Variants in PTPRK observed in about 807,000 individuals in gnomAD.
PTPRK encodes the protein receptor-type tyrosine-protein phosphatase kappa.
PTPRK carries 75 observed loss-of-function variants against 178.0 expected under a neutral mutation model. The observed-to-expected ratio is 0.42, with a 90% CI of 0.35 to 0.51. The LOEUF (loss-of-function observed/expected upper bound fraction) is 0.51, where lower values mean the gene tolerates loss of function less well. Among genes scored for constraint, PTPRK ranks in the 20% least tolerant of loss-of-function variants. The pLI is 0.02. For missense variants in PTPRK, 1,441 were observed against 1,797.8 expected (o/e 0.80, Z 3.59); for synonymous variants, 637 against 620.6 (o/e 1.03, Z -0.39).
intron 15 of PTPRK, among the ~76,000 whole-genome samples, chr6:128,004,422 G>A (rs779315272): frequency 5.9e-5 from 9 of 151,720 alleles, no homozygotes; most frequent in Admixed American, 2.0e-4. Flanking sequence ...GCTTTTAAAT[G>A]GTACTTCAGC....
chr6:128,407,465 C>A (rs545343566), intron 1 of PTPRK, among the ~76,000 whole-genome samples: 3 of 151,404 alleles, frequency 2.0e-5, no homozygotes, highest in African/African-American at 7.3e-5. Flanking sequence ...AGCGAGATCC[C>A]CATGTCTACA....
intron 3 of PTPRK, among the ~76,000 whole-genome samples, chr6:128,251,868 T>C (rs927258823): frequency 6.6e-6 from 1 of 152,198 alleles, no homozygotes; most frequent in Admixed American, 6.5e-5. Context: ...AGGTTTAGCA[T>C]TACCAATTGC....
At chr6:128,112,672 C>G (rs1400962329) in intron 7 of PTPRK, among the ~76,000 whole-genome samples, 1 of 152,058 alleles carries the variant, frequency 6.6e-6, no homozygotes, top group Non-Finnish European at 1.5e-5. Context: ...ACACAACAGA[C>G]AAATGCTTGT....
chr6:128,304,915 T>C (rs1826152579), intron 3 of PTPRK, among the ~76,000 whole-genome samples: 1 of 152,206 alleles, frequency 6.6e-6, no homozygotes, highest in East Asian at 1.9e-4. Flanking sequence ...CATGGCAGTT[T>C]AAGAAATGGA....
At chr6:128,171,483 T>G (rs1308583631) in intron 7 of PTPRK, among the ~76,000 whole-genome samples, 1 of 152,018 alleles carries the variant, frequency 6.6e-6, no homozygotes, top group Non-Finnish European at 1.5e-5. Context: ...AAACCATTTC[T>G]CACTCCAGAC....
chr6:128,188,889 T>C (rs1018510932), intron 6 of PTPRK, among the ~76,000 whole-genome samples: 1 of 152,190 alleles, frequency 6.6e-6, no homozygotes, highest in Non-Finnish European at 1.5e-5. Flanking sequence ...CATATGGATA[T>C]GGATGCTTGT....
intron 3 of PTPRK, among the ~76,000 whole-genome samples, chr6:128,256,254 C>A (rs1050257383): frequency 2.0e-5 from 3 of 152,114 alleles, no homozygotes; most frequent in African/African-American, 7.2e-5. Context: ...GGGAAAACAG[C>A]AAGACTTCAG....
intron 1 of PTPRK, among the ~76,000 whole-genome samples, chr6:128,514,123 A>G (rs1314358538): frequency 1.3e-5 from 2 of 152,184 alleles, no homozygotes; most frequent in Non-Finnish European, 2.9e-5. Flanking sequence ...GGTTTATATT[A>G]ATAGATACCA....
chr6:128,520,176 C>T (rs191231462), intron 1 of PTPRK, 83 bp downstream of exon 1: 6 of 1,232,526 alleles, frequency 4.9e-6, no homozygotes, highest in Non-Finnish European at 6.8e-6. Flanking sequence ...CGATCCTTGT[C>T]CCCAGCCCTA....
At chr6:128,378,063 T>C (rs1252404133) in intron 2 of PTPRK, among the ~76,000 whole-genome samples, 2 of 152,138 alleles carry the variant, frequency 1.3e-5, no homozygotes, top group Non-Finnish European at 2.9e-5. Context: ...TTCACAAAAA[T>C]AGATTGAATT....
At chr6:128,126,421 T>C (rs1237917486) in intron 7 of PTPRK, among the ~76,000 whole-genome samples, 1 of 152,190 alleles carries the variant, frequency 6.6e-6, no homozygotes, top group East Asian at 1.9e-4. Flanking sequence ...CTTCCAGTTT[T>C]TGGTGATTTT....
At chr6:128,313,509 TA>T (rs2128317304) in intron 3 of PTPRK, among the ~76,000 whole-genome samples, 1 of 152,182 alleles carries the variant, frequency 6.6e-6, no homozygotes, top group Admixed American at 6.5e-5. Flanking sequence ...GAAGTGGACA[TA>T]AAGTTGGGTC....
chr6:128,160,706 T>A (rs1345374152), intron 7 of PTPRK, among the ~76,000 whole-genome samples: 2 of 151,554 alleles, frequency 1.3e-5, no homozygotes, highest in Admixed American at 6.6e-5. Context: ...TGGAGGTGAA[T>A]CCTTAGCACA....
At chr6:128,197,565 T>C (rs947137611) in intron 6 of PTPRK, among the ~76,000 whole-genome samples, 27 of 152,102 alleles carry the variant, frequency 1.8e-4, no homozygotes, top group African/African-American at 6.5e-4. Context: ...GAGATATAAA[T>C]GTACTCATTG....
chr6:128,230,530 G>A (rs774383853), intron 5 of PTPRK, among the ~76,000 whole-genome samples: 40 of 152,224 alleles, frequency 2.6e-4, no homozygotes, highest in Admixed American at 2.0e-3. Context: ...ATGTTTACCC[G>A]ATATTGAGTC....
chr6:128,107,872 C>T (rs943715672), intron 7 of PTPRK, among the ~76,000 whole-genome samples: 4 of 152,108 alleles, frequency 2.6e-5, no homozygotes, highest in African/African-American at 9.7e-5. Flanking sequence ...ACAGCAGTCC[C>T]CTACATGGGC....
At chr6:128,387,762 A>G (rs1202278132) in intron 2 of PTPRK, among the ~76,000 whole-genome samples, 1 of 152,162 alleles carries the variant, frequency 6.6e-6, no homozygotes, top group Admixed American at 6.5e-5. Flanking sequence ...GGTTAGAAAG[A>G]TAAGGTAAGC....
At chr6:128,392,560 A>G (rs1286978190) in intron 2 of PTPRK, among the ~76,000 whole-genome samples, 1 of 152,226 alleles carries the variant, frequency 6.6e-6, no homozygotes, top group Non-Finnish European at 1.5e-5. Flanking sequence ...ATGGTCAAAT[A>G]AATTTATTTC....
chr6:128,371,989 T>C (rs968535273), intron 2 of PTPRK, among the ~76,000 whole-genome samples: 1 of 152,180 alleles, frequency 6.6e-6, no homozygotes, highest in African/African-American at 2.4e-5. Flanking sequence ...GGCATTTTAG[T>C]ACAAGAAAAA....
Sources: allele counts gnomAD v4.1 joint callset (sites outside exome capture counted in the v4.1 genomes callset), GRCh38; gene constraint gnomAD v4.1.1; transcripts MANE v1.5; gene names NCBI Gene and HGNC (gene_info 2026-07-23, HGNC 2026-07-21).